MYO16: variants seen among roughly 807,000 people sequenced by gnomAD.
MYO16 encodes the protein myosin XVI.
MYO16 carries 94 observed loss-of-function variants against 205.3 expected under a neutral mutation model. The observed-to-expected ratio is 0.46, with a 90% CI of 0.39 to 0.54. The LOEUF is 0.54. Ranked by LOEUF, MYO16 falls within the 20% of genes least tolerant of loss-of-function variation. The pLI is 0.00. For synonymous variants in MYO16, 988 were observed against 954.0 expected (o/e 1.04, Z -0.66); for missense variants, 2,315 against 2,387.5 (o/e 0.97, Z 0.63).
chr13:108,965,747 A>T (rs1045867639), intron 20 of MYO16, among the ~76,000 whole-genome samples: 1 of 152,146 alleles, frequency 6.6e-6, no homozygotes, highest in African/African-American at 2.4e-5. Flanking sequence ...CTATTTCATC[A>T]TCTAAAAATT....
At chr13:108,584,607 C>T in the MYO16 span, among the ~76,000 whole-genome samples, 1 of 152,234 alleles carries the variant, frequency 6.6e-6, no homozygotes, top group Admixed American at 6.5e-5. Flanking sequence ...GAGTAACCAG[C>T]CTCTGTTTAT....
chr13:108,516,739 A>G, the MYO16 span, among the ~76,000 whole-genome samples: 8 of 152,120 alleles, frequency 5.3e-5, no homozygotes, highest in Non-Finnish European at 1.0e-4. Flanking sequence ...TCTAAATGCT[A>G]TCATTTTGTT....
intron 1 of MYO16, among the ~76,000 whole-genome samples, chr13:108,622,376 A>G (rs1480321815): frequency 6.6e-6 from 1 of 152,112 alleles, no homozygotes; most frequent in Non-Finnish European, 1.5e-5. Context: ...AACCTCAACC[A>G]GGTGACCTGA....
Position 108,709,468 on chromosome 13 carries a change from C to A in MYO16, c.293-3193C>A, listed in dbSNP as rs759021465. The stretch of plus-strand genomic sequence containing the variant: ...TCATGTACCTACAGCTTCAGGGAAC[C>A]ACGTAATGTAACAGAGCCTCAGCTT... On this transcript the variant is annotated intron_variant, in intron 2 of 34. Coordinates refer to ENST00000457511, the MANE Select transcript of MYO16 (RefSeq NM_001198950.3). Among the ~76,000 whole-genome samples the A allele has an allele frequency of 3.8e-5, 3 of 78,900 alleles. 1 individual carries two copies. The highest frequency in any genetic ancestry group is 5.6e-5 in the Non-Finnish European group (2 of 35,466). 51.8% of individuals were successfully genotyped at this position (78,900 alleles called of 152,430 possible). A position where few individuals can be genotyped will look rare whatever the true frequency, so the allele number is the denominator to read the frequency against.
chr13:108,613,768 T>A (rs1244653113), intron 1 of MYO16, among the ~76,000 whole-genome samples: 2 of 151,952 alleles, frequency 1.3e-5, no homozygotes, highest in Admixed American at 6.6e-5. Context: ...AATTAATAGG[T>A]AAAGTAACAC....
chr13:108,791,900 C>T (rs919122156), intron 5 of MYO16, among the ~76,000 whole-genome samples: 37 of 152,138 alleles, frequency 2.4e-4, no homozygotes, highest in Middle Eastern at 3.2e-3. Context: ...TTCTTGGGTC[C>T]GCTGTGCTAG....
chr13:108,855,378 T>C (rs1197898472), intron 10 of MYO16, 65 bp from the exon 11 acceptor site: 5 of 923,916 alleles, frequency 5.4e-6, no homozygotes, highest in African/African-American at 4.9e-5. Context: ...AAGTGGAACA[T>C]CCAACTGTGA....
rs2139584150 is a variant in MYO16, at chr13:108,727,508, G to A, written c.432G>A (p.Gln144=). Residue 144 remains glutamine (Q), a synonymous_variant, in exon 4 of 35, where the codon CAG becomes CAA. Transcript: ENST00000457511. ...LIDRGVNVNH[Q]DEDFWTPMHI... Reference sequence around the variant, plus strand: ...ACAGAGGAGTCAACGTCAACCACCAGGATGAAGACTTCTGGACGCCCATGC... The same window carrying A: ...ACAGAGGAGTCAACGTCAACCACCAAGATGAAGACTTCTGGACGCCCATGC... 1 of 1,614,000 alleles carries A rather than the reference G, an allele frequency of 6.2e-7. No individual in the cohort carries two copies. The highest frequency in any genetic ancestry group is 2.2e-5 in the East Asian group (1 of 44,866).
At chr13:109,072,703 A>G (rs1404771501) in intron 27 of MYO16, among the ~76,000 whole-genome samples, 1 of 152,190 alleles carries the variant, frequency 6.6e-6, no homozygotes, top group African/African-American at 2.4e-5. Context: ...GCATTTTGCA[A>G]CATGGATGGC....
the MYO16 span, among the ~76,000 whole-genome samples, chr13:108,547,781 T>G: frequency 6.6e-6 from 1 of 152,222 alleles, no homozygotes; most frequent in African/African-American, 2.4e-5. Flanking sequence ...TGAGTAGGGC[T>G]TTGCCTAATA....
intron 1 of MYO16, among the ~76,000 whole-genome samples, chr13:108,609,374 G>A (rs1294125964): frequency 2.6e-5 from 4 of 152,216 alleles, no homozygotes; most frequent in African/African-American, 9.6e-5. Flanking sequence ...TTAACGCTTA[G>A]CCTTTCTCTA....
Position 109,019,736 on chromosome 13 carries a change from T to C in MYO16, c.2621T>C (p.Leu874Ser). The change falls in exon 23 of 35, where the codon TTG (leucine) becomes TCG (serine). Residue 874 changes from leucine to serine, a missense_variant. Coordinates refer to ENST00000457511, the MANE Select transcript of MYO16 (RefSeq NM_001198950.3). ...FQKPSGFLTL[L>S]DEESQMIWSV... ...AAGCCATCTGGATTTCTCACCTTATTGGATGAAGAAAGTCAAATGATTTGG... is the reference window on the plus strand; with the variant it reads ...AAGCCATCTGGATTTCTCACCTTATCGGATGAAGAAAGTCAAATGATTTGG... 6.2e-7 allele frequency: 1 copy of C among 1,614,082 alleles called. No individual in the cohort carries two copies. Among genetic ancestry groups the C allele is most frequent in the Non-Finnish European group, 8.5e-7 (1 of 1,179,978 alleles).
intron 2 of MYO16, among the ~76,000 whole-genome samples, chr13:108,709,111 C>T (rs943847534): frequency 5.3e-5 from 8 of 151,794 alleles, no homozygotes; most frequent in African/African-American, 1.7e-4. Context: ...AGGAAGCCTG[C>T]GCTTCGTTAT....
At chr13:108,876,112 C>G (rs1021890934) in intron 12 of MYO16, among the ~76,000 whole-genome samples, 4 of 147,114 alleles carry the variant, frequency 2.7e-5, no homozygotes, top group African/African-American at 1.0e-4. Context: ...GCTGGACAAG[C>G]TGGACTAAAA....
chr13:108,982,188 A>T (rs1884467713), intron 20 of MYO16, among the ~76,000 whole-genome samples: 1 of 152,262 alleles, frequency 6.6e-6, no homozygotes, highest in Non-Finnish European at 1.5e-5. Context: ...GGTTAATACC[A>T]GCGTGTTGTA....
intron 6 of MYO16, among the ~76,000 whole-genome samples, chr13:108,800,286 T>C (rs1886932084): frequency 6.6e-6 from 1 of 152,320 alleles, no homozygotes; most frequent in East Asian, 1.9e-4. Flanking sequence ...TCAGGATATG[T>C]AGCTTCTCAG....
intron 7 of MYO16, among the ~76,000 whole-genome samples, chr13:108,816,193 A>T (rs912170799): frequency 6.6e-6 from 1 of 152,190 alleles, no homozygotes; most frequent in East Asian, 1.9e-4. Flanking sequence ...AAACTATAGT[A>T]TAATATTATG....
At chr13:108,741,453 A>C (rs181035086) in intron 4 of MYO16, among the ~76,000 whole-genome samples, 1 of 152,122 alleles carries the variant, frequency 6.6e-6, no homozygotes, top group Non-Finnish European at 1.5e-5. Context: ...AAGCTCAAAA[A>C]TGTGGAAAAA....
chr13:108,964,899 A>G lies in MYO16; in HGVS notation c.2366A>G (p.Lys789Arg). Reference sequence around the variant, plus strand: ...TGCCTCCACAGTCAAGATGAACAGAAAAGGTAGGAGTTGATGGATGTTCGG... The same window carrying G: ...TGCCTCCACAGTCAAGATGAACAGAGAAGGTAGGAGTTGATGGATGTTCGG... ...NSCLHSQDEQ[K>R]SMQTLDIGIL... The change falls in exon 20 of 35, where the codon AAA becomes AGA. Residue 789 changes from lysine (K) to arginine (R), a missense_variant. Physicochemically the swap from Lys to Arg is conservative, Grantham distance 26. Transcript: ENST00000457511. 1 of 1,614,118 alleles carries G rather than the reference A, an allele frequency of 6.2e-7. No individual in the cohort carries two copies. The highest frequency in any genetic ancestry group is 2.2e-5 in the East Asian group (1 of 44,864).
Sources: gnomAD v4.1 joint callset for allele counts (sites outside exome capture counted in the v4.1 genomes callset) on GRCh38, gnomAD v4.1.1 for gene constraint, MANE v1.5 for transcripts, NCBI Gene and HGNC (gene_info 2026-07-23, HGNC 2026-07-21) for gene names.